Variants in ATP2A3 observed in about 807,000 individuals in gnomAD.
The protein encoded by ATP2A3 is sarcoplasmic/endoplasmic reticulum calcium ATPase 3.
ATP2A3 carries 61 observed loss-of-function variants against 106.8 expected under a neutral mutation model. The observed-to-expected ratio is 0.57, with a 90% CI of 0.46 to 0.71. The LOEUF is 0.71. Ranked by LOEUF, ATP2A3 falls within the 30% of genes least tolerant of loss-of-function variation. ATP2A3 has a pLI of 0.00. For missense variants in ATP2A3, 1,201 were observed against 1,423.5 expected (o/e 0.84, Z 2.52); for synonymous variants, 611 against 609.3 (o/e 1.00, Z -0.04).
intron 17 of ATP2A3, among the ~76,000 whole-genome samples, chr17:3,934,337 C>T (rs1054588715): frequency 3.3e-5 from 5 of 152,226 alleles, no homozygotes; most frequent in African/African-American, 1.2e-4. Flanking sequence ...GATCCTCCCA[C>T]CTCAGCCTCC....
In ATP2A3 at chr17:3,944,999, C is replaced by T. The variant is rs1487617733; in HGVS notation, c.1184+61G>A. ...GGGGCCTCCCACGGCCACCTCGGCG[C>T]CGCCACGCGTGGCCCCGCCCCCAGG... is the stretch of plus-strand genomic sequence containing the variant. On this transcript the variant is annotated intron_variant, in intron 9 of 20. Transcript: ENST00000397041. 1.2e-5 allele frequency: 16 copies of T among 1,365,288 alleles called. No homozygotes were observed. The East Asian group carries it at 2.0e-4, about 17-fold the overall frequency. 84.6% of individuals were successfully genotyped at this position (1,365,288 alleles called of 1,614,324 possible).
intron 1 of ATP2A3, among the ~76,000 whole-genome samples, chr17:3,954,623 A>G (rs1041300342): frequency 4.6e-5 from 7 of 151,156 alleles, no homozygotes; most frequent in Non-Finnish European, 8.8e-5. Flanking sequence ...TAGCCTCCTG[A>G]GTAGCTGGGA....
rs143659624 is a variant in ATP2A3, at chr17:3,955,282, C to T, written c.119-1572G>A. On this transcript the variant is annotated intron_variant, in intron 1 of 20. Transcript: ENST00000397041. This position sits in a 1 kb window ranked among gnomAD's most constrained non-coding sequence, Gnocchi z 4.2. The stretch of plus-strand genomic sequence containing the variant: ...GGCCTACAGGCATTTTTTTTTCCTA[C>T]GGGAGCCCTCTCCCCGGACCACCTG... Among the ~76,000 whole-genome samples, 1,990 of 152,076 alleles carry T rather than the reference C, an allele frequency of 0.013. 50 individuals carry two copies. The highest frequency in any genetic ancestry group is 0.045 in the African/African-American group (1,877 of 41,486).
chr17:3,927,199 C>T (rs1169990901), intron 20 of ATP2A3: 22 of 985,352 alleles, frequency 2.2e-5, no homozygotes, highest in Non-Finnish European at 2.5e-5. Context: ...CGCTAGGACC[C>T]TCCCGCTCTT....
intron 17 of ATP2A3, among the ~76,000 whole-genome samples, chr17:3,933,827 T>G (rs184917171): frequency 4.8e-4 from 73 of 151,780 alleles, no homozygotes; most frequent in East Asian, 4.4e-3. Context: ...TTTCTACTGG[T>G]GAGGCCACTG....
intron 17 of ATP2A3, 101 bp downstream of exon 17, chr17:3,935,091 G>A (rs1318787352): frequency 8.2e-7 from 1 of 1,223,512 alleles, no homozygotes; most frequent in Non-Finnish European, 1.2e-6. Flanking sequence ...GAGTGGGGAA[G>A]GACACTGCAG....
intron 7 of ATP2A3, among the ~76,000 whole-genome samples, chr17:3,949,519 A>G (rs185262307): frequency 6.6e-6 from 1 of 152,316 alleles, no homozygotes; most frequent in African/African-American, 2.4e-5. Context: ...TCGAGTGATT[A>G]TAGGGAGGCT....
chr17:3,958,897 T>TATAG (rs2054981155), intron 1 of ATP2A3, among the ~76,000 whole-genome samples: 1 of 131,686 alleles, frequency 7.6e-6, no homozygotes, highest in Non-Finnish European at 1.6e-5. Flanking sequence ...CATATATATA[T>TATAG]ATTGTTTTTT....
Position 3,924,540 on chromosome 17 carries a change from C to T in ATP2A3, c.*882G>A, listed in dbSNP as rs1251801746. ...CACTGGGCTGGGTAGAAGGGCGCCA[C>T]GGTCAGGAACCTGAGGATGTCGGTG... On this transcript the variant is annotated 3_prime_UTR_variant, in exon 21 of 21. Transcript: ENST00000397041. The surrounding 1 kb of genome is among the most constrained non-coding windows in gnomAD (Gnocchi z 6.4). The T allele has an allele frequency of 1.2e-5, 4 of 344,208 alleles. No individual in the cohort carries two copies. The highest frequency in any genetic ancestry group is 6.5e-5 in the African/African-American group (3 of 46,148). The allele number at this position is 344,208 out of a possible 1,614,324, so 21.3% of individuals were successfully genotyped here.
Position 3,928,685 on chromosome 17 carries a change from G to A in ATP2A3, c.2958C>T (p.Tyr986=). 1 of 1,551,222 alleles carries A rather than the reference G, an allele frequency of 6.4e-7. No homozygotes were observed. The highest frequency in any genetic ancestry group is 8.7e-7 in the Non-Finnish European group (1 of 1,147,070). The change falls in exon 20 of 21, where the codon TAC becomes TAT. Residue 986 remains tyrosine, a synonymous_variant. Coordinates refer to ENST00000397041, the MANE Select transcript of ATP2A3 (RefSeq NM_005173.4). The surrounding 1 kb of genome is among the most constrained non-coding windows in gnomAD (Gnocchi z 6.1). Reference sequence around the variant, plus strand: ...CACCGTGCATGTGGTTCCGGGACAGGTACTTGAGGGCCTCATCCAGCAGGA... The same window carrying A: ...CACCGTGCATGTGGTTCCGGGACAGATACTTGAGGGCCTCATCCAGCAGGA... The part of the protein sequence containing the change: ...PVILLDEALK[Y]LSRNHMHEEM...
At chr17:3,949,329 G>A (rs556404437) in intron 7 of ATP2A3, among the ~76,000 whole-genome samples, 11 of 152,244 alleles carry the variant, frequency 7.2e-5, no homozygotes, top group African/African-American at 2.4e-4. Context: ...TCACTTGCTA[G>A]CTTTCTCTGA....
chr17:3,964,103 G>T, intron 1 of ATP2A3, 71 bp downstream of exon 1: 2 of 832,942 alleles, frequency 2.4e-6, no homozygotes, highest in Non-Finnish European at 3.0e-6. Flanking sequence ...GGGTGGGGAG[G>T]CAGGAGGGGA....
At chr17:3,950,029 G>A (rs1188671435) in intron 7 of ATP2A3, among the ~76,000 whole-genome samples, 1 of 151,804 alleles carries the variant, frequency 6.6e-6, no homozygotes, top group East Asian at 2.0e-4. Flanking sequence ...GGGTGTGGTG[G>A]CAGGTGCCTG....
chr17:3,930,369 C>A lies in ATP2A3; in HGVS notation c.2676G>T (p.Glu892Asp). 6.2e-7 allele frequency: 1 copy of A among 1,613,832 alleles called. No individual in the cohort carries two copies. Among genetic ancestry groups the A allele is most frequent in the Non-Finnish European group, 8.5e-7 (1 of 1,179,934 alleles). Residue 892 changes from glutamate (E) to aspartate (D), a missense_variant, in exon 18 of 21, where the codon GAG becomes GAT. Around this residue, in one of 2 missense-constraint regions of ATP2A3, gnomAD observed 935 missense variants for 1,176.7 expected, o/e 0.79. Coordinates refer to ENST00000397041, the MANE Select transcript of ATP2A3 (RefSeq NM_005173.4). The surrounding 1 kb of genome is among the most constrained non-coding windows in gnomAD (Gnocchi z 5.4). ...LFAGIDCEVF[E>D]SRFPTTMALS... is the part of the protein sequence containing the mutation. ...AGGCCATGGTGGTGGGGAAGCGTGA[C>A]TCGAACACCTCACAGTCGATGCCGG...
chr17:3,946,377 C>A (rs943076013), intron 8 of ATP2A3, among the ~76,000 whole-genome samples: 5 of 152,004 alleles, frequency 3.3e-5, no homozygotes, highest in African/African-American at 1.2e-4. Context: ...CATGGTGAAA[C>A]CCCGTCTCTA....
rs534286005 is a variant in ATP2A3 at position 3,939,659 on chromosome 17, C to T, written c.2100+1312G>A. On this transcript the variant is annotated intron_variant, in intron 14 of 20. Transcript: ENST00000397041. ...AAAATTAGCTGGGCATGGTGGTGCG[C>T]GCCTGTGGTCCCAGCTACTCAGGAG... 2.8e-4 allele frequency among the ~76,000 whole-genome samples: 42 copies of T among 151,038 alleles called. No individual in the cohort carries two copies. The East Asian group carries it at 7.2e-3, about 26-fold the overall frequency.
chr17:3,928,785 C>A lies in ATP2A3; in HGVS notation c.2863-5G>T. 1.3e-6 allele frequency: 2 copies of A among 1,552,324 alleles called. No homozygotes were observed. The highest frequency in any genetic ancestry group is 8.7e-7 in the Non-Finnish European group (1 of 1,147,126). The stretch of plus-strand genomic sequence containing the variant: ...TGGGGTCACCTGGAAAATGAGCTGG[C>A]GGGGAGGGGAAGGGAGGTTTGGTTA... On this transcript the variant is annotated splice_region_variant and splice_polypyrimidine_tract_variant and intron_variant, in intron 19 of 20. Transcript: ENST00000397041. The surrounding 1 kb of genome is among the most constrained non-coding windows in gnomAD (Gnocchi z 6.1).
intron 14 of ATP2A3, among the ~76,000 whole-genome samples, chr17:3,938,784 G>A (rs1478470698): frequency 6.6e-6 from 1 of 152,068 alleles, no homozygotes; most frequent in Non-Finnish European, 1.5e-5. Context: ...TGATCTGCCC[G>A]CCTCAACCTC....
intron 1 of ATP2A3, 125 bp downstream of exon 1, chr17:3,964,049 C>A: frequency 2.4e-6 from 1 of 418,024 alleles, no homozygotes; most frequent in Non-Finnish European, 3.4e-6. Flanking sequence ...CCAGGAGCAT[C>A]CGAAGAGGTT....
Sources: gnomAD v4.1 joint callset for allele counts (sites outside exome capture counted in the v4.1 genomes callset) on GRCh38, gnomAD v4.1.1 for gene constraint, gnomAD v4.1.1 regional missense constraint, Gnocchi (gnomAD v3.1) non-coding constraint, MANE v1.5 for transcripts, NCBI Gene and HGNC (gene_info 2026-07-23, HGNC 2026-07-21) for gene names.